RCC2: variants seen among roughly 807,000 people sequenced by gnomAD.
The protein encoded by RCC2 is protein RCC2.
In RCC2, 19 loss-of-function variants were observed where a neutral mutation model predicts 64.1. The ratio of observed to expected loss-of-function variants is 0.30; its 90% confidence interval spans 0.21 to 0.44. RCC2 has a LOEUF of 0.44. Among genes scored for constraint, RCC2 ranks in the 20% least tolerant of loss-of-function variants. The pLI is 1.00. For synonymous variants in RCC2, 325 were observed against 279.6 expected (o/e 1.16, Z -1.62); for missense variants, 508 against 710.4 (o/e 0.72, Z 3.24).
intron 8 of RCC2, among the ~76,000 whole-genome samples, chr1:17,415,963 G>A (rs1354459576): frequency 2.0e-5 from 3 of 151,548 alleles, no homozygotes; most frequent in Non-Finnish European, 2.9e-5. Context: ...CAGCTACTCG[G>A]GAGGCTGAGG....
chr1:17,410,077 A>T (rs746199708), intron 11 of RCC2, 26 bp from the exon 12 acceptor site: 9 of 1,607,474 alleles, frequency 5.6e-6, no homozygotes, highest in Non-Finnish European at 7.7e-6. Flanking sequence ...AGATGTTCGC[A>T]ATCGAGGATC....
chr1:17,432,016 A>G (rs578192251), intron 2 of RCC2, among the ~76,000 whole-genome samples: 6 of 150,612 alleles, frequency 4.0e-5, no homozygotes, highest in African/African-American at 1.5e-4. Context: ...TGAACCCAGG[A>G]GGCAGAGGTT....
chr1:17,422,926 G>C (rs1399014139), intron 4 of RCC2, 90 bp from the exon 5 acceptor site: 9 of 1,507,754 alleles, frequency 6.0e-6, no homozygotes, highest in Non-Finnish European at 7.3e-6. Flanking sequence ...ACTCTCAAAT[G>C]ATGCCCATCT....
chr1:17,438,796 T>G (rs1279428302), intron 1 of RCC2, among the ~76,000 whole-genome samples: 2 of 152,078 alleles, frequency 1.3e-5, no homozygotes, highest in Non-Finnish European at 2.9e-5. Flanking sequence ...ATCCGTAAGT[T>G]AGGTTTGCCC....
At chr1:17,430,601 T>C (rs1451465717) in intron 2 of RCC2, among the ~76,000 whole-genome samples, 1 of 151,642 alleles carries the variant, frequency 6.6e-6, no homozygotes, top group Non-Finnish European at 1.5e-5. Context: ...GCCTGGCCAA[T>C]ATGGTAAAAC....
intron 7 of RCC2, among the ~76,000 whole-genome samples, chr1:17,417,311 C>A (rs567786379): frequency 3.3e-5 from 5 of 152,248 alleles, no homozygotes; most frequent in Non-Finnish European, 5.9e-5. Flanking sequence ...CTCCTGCAGC[C>A]ACCTGCAGCA....
chr1:17,420,600 T>C, intron 7 of RCC2, 114 bp downstream of exon 7: 2 of 594,964 alleles, frequency 3.4e-6, no homozygotes, highest in Non-Finnish European at 5.8e-6. Context: ...ACAAAGGCTA[T>C]TATCTGAGAT....
rs182764341 is a variant in RCC2 at position 17,426,697 on chromosome 1, T to A, written c.380-1013A>T. Among the ~76,000 whole-genome samples, 264 of 151,626 alleles carry A rather than the reference T, an allele frequency of 1.7e-3. 1 individual carries two copies. Among genetic ancestry groups the A allele is most frequent in the Non-Finnish European group, 3.0e-3 (202 of 67,948 alleles). ...CAATGGGAAAGAAAACCACAGCATC[T>A]TCCTCACAAACCCCCCTTCACACCC... On this transcript the variant is annotated intron_variant, in intron 3 of 12. Transcript: ENST00000375436.
chr1:17,437,697 C>A (rs1315930964), intron 2 of RCC2, among the ~76,000 whole-genome samples: 2 of 146,712 alleles, frequency 1.4e-5, no homozygotes, highest in African/African-American at 4.9e-5. Context: ...CCGTCAGGCC[C>A]CGCCCCCCCC....
chr1:17,434,545 G>C (rs2075716383), intron 2 of RCC2, among the ~76,000 whole-genome samples: 1 of 152,140 alleles, frequency 6.6e-6, no homozygotes. Flanking sequence ...TGAGTTCTGT[G>C]AGCCATTCCA....
At chr1:17,430,661 G>A (rs528987679) in intron 2 of RCC2, among the ~76,000 whole-genome samples, 89 of 151,922 alleles carry the variant, frequency 5.9e-4, no homozygotes, top group Non-Finnish European at 9.7e-4. Context: ...GGTGGCATCC[G>A]CCTGTCGTCC....
Position 17,413,519 on chromosome 1 carries a change from G to A in RCC2, c.1207+18C>T, listed in dbSNP as rs371473290. The stretch of plus-strand genomic sequence containing the variant: ...CCGCACCAGAGCACTGATAAGCCAG[G>A]GGGCAGAAATCACTAACCCACTTCA... On this transcript the variant is annotated intron_variant, in intron 9 of 12. Transcript: ENST00000375436. 10 of 1,613,344 alleles carry A rather than the reference G, an allele frequency of 6.2e-6. No homozygotes were observed. The African/African-American group carries it at 1.2e-4, about 19-fold the overall frequency.
intron 3 of RCC2, among the ~76,000 whole-genome samples, chr1:17,427,850 T>A (rs1435312045): frequency 6.6e-6 from 1 of 151,888 alleles, no homozygotes; most frequent in African/African-American, 2.4e-5. Context: ...GGGGAGCAAG[T>A]CAAATTAAAC....
intron 7 of RCC2, among the ~76,000 whole-genome samples, chr1:17,417,025 G>A (rs1373639872): frequency 3.9e-5 from 6 of 152,178 alleles, no homozygotes; most frequent in Admixed American, 2.6e-4. Context: ...TGAAGCTGCT[G>A]ATCAAGGAAT....
At chr1:17,435,366 T>G (rs2100397796) in intron 2 of RCC2, among the ~76,000 whole-genome samples, 1 of 152,356 alleles carries the variant, frequency 6.6e-6, no homozygotes, top group East Asian at 1.9e-4. Flanking sequence ...CCTGGGCGGC[T>G]GCTTTCACAC....
At position 17,431,359 on chromosome 1, in the gene RCC2, A is replaced by AATATATATATAT. The variant is rs71014951; in HGVS notation, c.286-2172_286-2161dup. 1.8e-3 allele frequency among the ~76,000 whole-genome samples: 83 copies of AATATATATATAT among 44,890 alleles called. 5 individuals carry two copies. The highest frequency in any genetic ancestry group is 6.4e-3 in the African/African-American group (60 of 9,418). 29.4% of individuals were successfully genotyped at this position (44,890 alleles called of 152,430 possible). On this transcript the variant is annotated intron_variant, in intron 2 of 12. Coordinates refer to ENST00000375436, the MANE Select transcript of RCC2 (RefSeq NM_018715.4). Reference sequence around the variant, plus strand: ...AAAAAAAAAAAAAAAAAAAAAAAAAAATATATATATATATATATATATGTG... The same window carrying AATATATATATAT: ...AAAAAAAAAAAAAAAAAAAAAAAAAAATATATATATATATATATATATATATATATATATGTG...
intron 7 of RCC2, among the ~76,000 whole-genome samples, chr1:17,418,022 C>T (rs1470935384): frequency 7.1e-6 from 1 of 140,266 alleles, no homozygotes; most frequent in African/African-American, 2.7e-5. Flanking sequence ...AGGTTACATG[C>T]AAATACTATG....
Position 17,422,193 on chromosome 1 carries a change from G to C in RCC2, c.744+10C>G. 1 of 1,592,336 alleles carries C rather than the reference G, an allele frequency of 6.3e-7. No individual in the cohort carries two copies. The highest frequency in any genetic ancestry group is 8.6e-7 in the Non-Finnish European group (1 of 1,165,586). The stretch of plus-strand genomic sequence containing the variant: ...AAAAAGCCATGGAGCCGGAGCTGAG[G>C]AGGGGTCACCTGCGCGGGGCTGGGA... On this transcript the variant is annotated intron_variant, in intron 6 of 12. Coordinates refer to ENST00000375436, the MANE Select transcript of RCC2 (RefSeq NM_018715.4).
chr1:17,423,911 C>T (rs2075584534), intron 4 of RCC2, among the ~76,000 whole-genome samples: 1 of 152,192 alleles, frequency 6.6e-6, no homozygotes. Context: ...CCTCTGACTA[C>T]AGAAGGAATT....
Sources: gnomAD v4.1 joint callset for allele counts (sites outside exome capture counted in the v4.1 genomes callset) on GRCh38, gnomAD v4.1.1 for gene constraint, MANE v1.5 for transcripts, NCBI Gene and HGNC (gene_info 2026-07-23, HGNC 2026-07-21) for gene names.